NXN: variants seen among roughly 807,000 people sequenced by gnomAD.
The protein encoded by NXN is nucleoredoxin.
Under a neutral mutation model 48.6 loss-of-function variants are expected in NXN, and 16 were observed. The ratio of observed to expected loss-of-function variants is 0.33; its 90% CI spans 0.22 to 0.50. The LOEUF (loss-of-function observed/expected upper bound fraction) is 0.50, where lower values mean the gene tolerates loss of function less well. NXN is among the 20% of genes least tolerant of loss of function. NXN has a pLI of 0.98. For missense variants in NXN, 492 were observed against 605.5 expected, an observed-to-expected ratio of 0.81 and a Z score of 1.97; for synonymous variants, 281 against 269.6, an observed-to-expected ratio of 1.04 and a Z score of -0.41.
chr17:879,961 A>T (rs982634795), intron 1 of NXN: 1 of 152,192 alleles, frequency 6.6e-6, no homozygotes, highest in African/African-American at 2.4e-5. Context: ...AATGACATGG[A>T]GCCCAATTCA....
At chr17:864,103 G>A (rs1196157341) in intron 1 of NXN, 2 of 1,266,118 alleles carry the variant, frequency 1.6e-6, no homozygotes, top group Admixed American at 2.8e-5. Flanking sequence ...CCGGTGAAGG[G>A]GCACGTTTAC....
chr17:905,081 G>A (rs1440082222), intron 1 of NXN: 2 of 152,162 alleles, frequency 1.3e-5, no homozygotes, highest in East Asian at 3.9e-4. Context: ...AGACTTACCT[G>A]GAAGGCTATG....
At chr17:853,762 G>A (rs1237856749) in intron 1 of NXN, among the ~76,000 whole-genome samples, 1 of 133,522 alleles carries the variant, frequency 7.5e-6, no homozygotes, top group East Asian at 2.1e-4. Flanking sequence ...TCACTCTGTC[G>A]CCCAGGCTGG....
chr17:926,468 A>G (rs1032864094), intron 1 of NXN, among the ~76,000 whole-genome samples: 1 of 151,324 alleles, frequency 6.6e-6, no homozygotes, highest in Non-Finnish European at 1.5e-5. Context: ...TACAGGCGTG[A>G]GCCACTGTGC....
At position 840,629 on chromosome 17, in the gene NXN, G is replaced by A. The variant is rs552630063; in HGVS notation, c.361-14551C>T. 1.4e-4 allele frequency among the ~76,000 whole-genome samples: 21 copies of A among 151,866 alleles called. No homozygotes were observed. The East Asian group carries it at 3.2e-3, about 23-fold the overall frequency. ...GCTGGGATTACAGGCGTGAGCCACCGCGCCCGGCCGGCGTGCAGACTTCTT... is the reference window on the plus strand; with the variant it reads ...GCTGGGATTACAGGCGTGAGCCACCACGCCCGGCCGGCGTGCAGACTTCTT... On this transcript the variant is annotated intron_variant, in intron 1 of 7. Transcript: ENST00000336868.
chr17:888,747 G>T (rs925504731), intron 1 of NXN, among the ~76,000 whole-genome samples: 6 of 151,800 alleles, frequency 4.0e-5, no homozygotes, highest in Non-Finnish European at 7.4e-5. Context: ...CTGAGGTCAG[G>T]AGTTCGAGAC....
intron 1 of NXN, among the ~76,000 whole-genome samples, chr17:838,126 C>CTTTTTTTTT (rs66721481): frequency 6.5e-4 from 64 of 99,172 alleles, no homozygotes; most frequent in Middle Eastern, 8.8e-3. Flanking sequence ...TCCTTTCCTT[C>CTTTTTTTTT]TTTTTTTTTT....
intron 1 of NXN, among the ~76,000 whole-genome samples, chr17:840,641 C>T (rs112349427): frequency 0.047 from 7,205 of 152,200 alleles, 286 homozygotes; most frequent in East Asian, 0.24. Flanking sequence ...GCCCGGCCGG[C>T]GTGCAGACTT....
chr17:874,622 T>C (rs2068194742), intron 1 of NXN, among the ~76,000 whole-genome samples: 1 of 149,970 alleles, frequency 6.7e-6, no homozygotes, highest in African/African-American at 2.5e-5. Context: ...TGTTATGTCC[T>C]TACAGCAATG....
At chr17:864,241 C>T in intron 1 of NXN, 1 of 1,186,230 alleles carries the variant, frequency 8.4e-7, no homozygotes. Context: ...TTCAACTTTT[C>T]TGTAGGTCTG....
chr17:874,445 G>A (rs775895780), intron 1 of NXN, among the ~76,000 whole-genome samples: 6 of 152,170 alleles, frequency 3.9e-5, no homozygotes, highest in South Asian at 2.1e-4. Context: ...TTAGCCGGGC[G>A]TGGTGGCAGG....
At position 853,725 on chromosome 17, in the gene NXN, T is replaced by TATATATA. The variant is rs1244981485; in HGVS notation, c.361-27648_361-27647insTATATAT. Among the ~76,000 whole-genome samples, 121 of 85,890 alleles carry TATATATA rather than the reference T, an allele frequency of 1.4e-3. 1 individual carries two copies. Among genetic ancestry groups the TATATATA allele is most frequent in the Admixed American group, 1.7e-3 (16 of 9,314 alleles). The allele number at this position is 85,890 out of a possible 152,430, so 56.3% of individuals were successfully genotyped here. On this transcript the variant is annotated intron_variant, in intron 1 of 7. Coordinates refer to ENST00000336868, the MANE Select transcript of NXN (RefSeq NM_022463.5). ...CACATATATATATATATATATATAT[T>TATATATA]TTTTTTTTTTTTTCCAAGACGGAGT...
intron 1 of NXN, among the ~76,000 whole-genome samples, chr17:904,760 T>C (rs2068568199): frequency 6.6e-6 from 1 of 152,206 alleles, no homozygotes; most frequent in East Asian, 1.9e-4. Flanking sequence ...GCCAGGCTGG[T>C]CTCGATCTCC....
chr17:871,450 G>A (rs145320896), intron 1 of NXN, among the ~76,000 whole-genome samples: 1 of 140,450 alleles, frequency 7.1e-6, no homozygotes, highest in African/African-American at 2.7e-5. Context: ...TGTCCCCCAG[G>A]CTGGAGTGCA....
chr17:973,279 G>A (rs1489807596), intron 1 of NXN, among the ~76,000 whole-genome samples: 6 of 152,294 alleles, frequency 3.9e-5, no homozygotes, highest in African/African-American at 1.4e-4. Flanking sequence ...CACGCTAGAG[G>A]TGGCGTTTCT....
Position 936,796 on chromosome 17 carries a change from T to C in NXN, c.360+42523A>G, listed in dbSNP as rs1049864212. Among the ~76,000 whole-genome samples, 4 of 150,188 alleles carry C rather than the reference T, an allele frequency of 2.7e-5. No individual in the cohort carries two copies. The Admixed American group carries it at 2.7e-4, about 10-fold the overall frequency. ...ACTTCACAGAGGTATTACAGTTAAG[T>C]CACACTTCCCCACATAAGCTCACCT... On this transcript the variant is annotated intron_variant, in intron 1 of 7. Coordinates refer to ENST00000336868, the MANE Select transcript of NXN (RefSeq NM_022463.5).
intron 1 of NXN, among the ~76,000 whole-genome samples, chr17:895,724 A>G (rs1176010617): frequency 1.3e-5 from 2 of 149,786 alleles, no homozygotes; most frequent in Middle Eastern, 3.2e-3. Flanking sequence ...AGGCTGAGGC[A>G]GGGGAATGGC....
chr17:863,654 G>A (rs62068399), intron 1 of NXN, among the ~76,000 whole-genome samples: 4,565 of 152,110 alleles, frequency 0.03, 222 homozygotes, highest in East Asian at 0.24. Flanking sequence ...TAGAGATGGG[G>A]GTCTCTCTAT....
At chr17:802,192 G>C (rs547154399) in intron 7 of NXN, among the ~76,000 whole-genome samples, 14 of 152,076 alleles carry the variant, frequency 9.2e-5, no homozygotes, top group Non-Finnish European at 2.1e-4. Context: ...CGCAGTCATA[G>C]CTCACTGCAG....
Sources: gnomAD v4.1 joint callset for allele counts (sites outside exome capture counted in the v4.1 genomes callset) on GRCh38, gnomAD v4.1.1 for gene constraint, MANE v1.5 for transcripts, NCBI Gene and HGNC (gene_info 2026-07-23, HGNC 2026-07-21) for gene names.